EIF3H: variants seen among roughly 807,000 people sequenced by gnomAD.
EIF3H encodes the protein eIF-3-gamma.
Under a neutral mutation model 44.2 loss-of-function variants are expected in EIF3H, and 26 were observed. That is an observed-to-expected ratio of 0.59 (90% CI 0.43 to 0.82). The LOEUF (loss-of-function observed/expected upper bound fraction) is 0.82, where lower values mean the gene tolerates loss of function less well. Among genes scored for constraint, EIF3H ranks in the 40% least tolerant of loss-of-function variants. EIF3H has a pLI of 0.00. For synonymous variants in EIF3H, 166 were observed against 151.9 expected (o/e 1.09, Z -0.68); for missense variants, 359 against 432.8 (o/e 0.83, Z 1.51).
chr8:116,760,395 G>A (rs936488312), upstream of EIF3H, among the ~76,000 whole-genome samples: 5 of 152,174 alleles, frequency 3.3e-5, no homozygotes, highest in African/African-American at 1.2e-4. Flanking sequence ...TGAAGAGCTA[G>A]GTAATTTGTT....
intron 2 of EIF3H, among the ~76,000 whole-genome samples, chr8:116,676,905 C>A (rs1228462333): frequency 6.6e-6 from 1 of 152,002 alleles, no homozygotes; most frequent in African/African-American, 2.4e-5. Flanking sequence ...CAGCACCATG[C>A]AGATGATTGG....
intron 2 of EIF3H, among the ~76,000 whole-genome samples, chr8:116,717,473 A>C (rs1742697172): frequency 6.6e-6 from 1 of 152,208 alleles, no homozygotes; most frequent in South Asian, 2.1e-4. Context: ...ACAAACCTGG[A>C]GGAATCACAT....
chr8:116,697,423 T>G (rs1814287905), intron 2 of EIF3H, among the ~76,000 whole-genome samples: 1 of 152,204 alleles, frequency 6.6e-6, no homozygotes, highest in Admixed American at 6.5e-5. Context: ...CTCCACTGTT[T>G]TACTACCTAC....
chr8:116,763,810 C>T (rs1256979168), intron 1 of EIF3H, among the ~76,000 whole-genome samples: 9 of 152,016 alleles, frequency 5.9e-5, no homozygotes, highest in South Asian at 2.1e-4. Flanking sequence ...CTAACATTTA[C>T]GAAATTAAAC....
chr8:116,765,655 T>C (rs1403792218), exon 1 of EIF3H: 2 of 152,240 alleles, frequency 1.3e-5, no homozygotes, highest in Non-Finnish European at 2.9e-5. Flanking sequence ...GTATGTAGTC[T>C]TCCTATGTCA....
At chr8:116,708,362 T>C (rs1814508318) in intron 2 of EIF3H, among the ~76,000 whole-genome samples, 1 of 152,030 alleles carries the variant, frequency 6.6e-6, no homozygotes, top group Non-Finnish European at 1.5e-5. Context: ...ATTATAAACC[T>C]TCATAGTCTT....
intron 1 of EIF3H, among the ~76,000 whole-genome samples, chr8:116,742,083 AG>A (rs1247143719): frequency 6.6e-6 from 1 of 151,800 alleles, no homozygotes; most frequent in South Asian, 2.1e-4. Flanking sequence ...TAACTTCAAT[AG>A]GAAAAAAAAA....
chr8:116,763,269 A>T (rs1815535690), intron 1 of EIF3H, among the ~76,000 whole-genome samples: 1 of 152,236 alleles, frequency 6.6e-6, no homozygotes, highest in Non-Finnish European at 1.5e-5. Context: ...GTATCTCTAC[A>T]TAAATATTAA....
intron 1 of EIF3H, among the ~76,000 whole-genome samples, chr8:116,741,039 C>G (rs1008899683): frequency 1.3e-5 from 2 of 152,128 alleles, no homozygotes; most frequent in Middle Eastern, 3.2e-3. Context: ...AACATTTCAC[C>G]TCTTCTCTTT....
intron 5 of EIF3H, among the ~76,000 whole-genome samples, chr8:116,650,445 A>C (rs1014867308): frequency 3.9e-5 from 6 of 152,212 alleles, no homozygotes; most frequent in Admixed American, 3.9e-4. Flanking sequence ...AAACTCATAC[A>C]TGTATGTTAA....
chr8:116,684,999 T>TC (rs1356795809), intron 2 of EIF3H, among the ~76,000 whole-genome samples: 1 of 152,180 alleles, frequency 6.6e-6, no homozygotes, highest in East Asian at 1.9e-4. Context: ...AAGGTATTTT[T>TC]CCCCAATGTT....
intron 2 of EIF3H, among the ~76,000 whole-genome samples, chr8:116,689,590 G>C (rs893384896): frequency 6.6e-6 from 1 of 152,048 alleles, no homozygotes; most frequent in Non-Finnish European, 1.5e-5. Flanking sequence ...TGCAGAAACA[G>C]GTTTCATTCT....
intron 1 of EIF3H, among the ~76,000 whole-genome samples, chr8:116,744,916 G>A (rs1395297143): frequency 1.3e-5 from 2 of 152,156 alleles, no homozygotes; most frequent in Admixed American, 6.5e-5. Flanking sequence ...CTTTGTAGAG[G>A]CTTTTTTCTC....
chr8:116,669,394 C>G (rs555084383), intron 2 of EIF3H, among the ~76,000 whole-genome samples: 1 of 152,246 alleles, frequency 6.6e-6, no homozygotes, highest in South Asian at 2.1e-4. Context: ...GCCCCTATCC[C>G]CAACAGGTGA....
intron 2 of EIF3H, among the ~76,000 whole-genome samples, chr8:116,713,604 G>A (rs1814610179): frequency 6.6e-6 from 1 of 152,034 alleles, no homozygotes; most frequent in East Asian, 1.9e-4. Flanking sequence ...GAGAACTGAT[G>A]CTTCCTATTC....
At chr8:116,734,896 CA>C (rs1815008276) in intron 1 of EIF3H, among the ~76,000 whole-genome samples, 1 of 152,152 alleles carries the variant, frequency 6.6e-6, no homozygotes, top group Non-Finnish European at 1.5e-5. Flanking sequence ...TTAAGTAATT[CA>C]AAACTACCAA....
chr8:116,746,128 G>T (rs990815739), intron 1 of EIF3H, among the ~76,000 whole-genome samples: 3 of 152,076 alleles, frequency 2.0e-5, no homozygotes, highest in African/African-American at 7.2e-5. Context: ...TTACTAAATT[G>T]ACTTCTTATA....
chr8:116,746,339 C>G (rs56316062), intron 1 of EIF3H, among the ~76,000 whole-genome samples: 33,231 of 152,076 alleles, frequency 0.22, 4,444 homozygotes, highest in African/African-American at 0.37. Context: ...TTAATCAAAT[C>G]ACATAAACTA....
At chr8:116,732,583 A>T (rs1814968503) in intron 1 of EIF3H, among the ~76,000 whole-genome samples, 2 of 152,232 alleles carry the variant, frequency 1.3e-5, no homozygotes, top group African/African-American at 4.8e-5. Context: ...ATAGACCAGT[A>T]ACTACAGAAA....
Sources: allele counts gnomAD v4.1 joint callset (sites outside exome capture counted in the v4.1 genomes callset), GRCh38; gene constraint gnomAD v4.1.1; transcripts MANE v1.5; gene names NCBI Gene and HGNC (gene_info 2026-07-23, HGNC 2026-07-21).